Variants in EXOC4 observed in about 807,000 individuals in gnomAD.
The protein encoded by EXOC4 is exocyst complex component 4.
EXOC4 carries 71 observed loss-of-function variants against 107.2 expected under a neutral mutation model. The ratio of observed to expected loss-of-function variants is 0.66; its 90% CI spans 0.55 to 0.81. EXOC4 has a LOEUF of 0.81. Ranked by LOEUF, EXOC4 falls within the 30% of genes least tolerant of loss-of-function variation. The pLI is 0.00. For synonymous variants in EXOC4, 456 were observed against 441.2 expected (o/e 1.03, Z -0.42); for missense variants, 1,108 against 1,189.6 (o/e 0.93, Z 1.01).
intron 12 of EXOC4, among the ~76,000 whole-genome samples, chr7:133,916,775 T>C (rs561962379): frequency 1.7e-4 from 26 of 152,340 alleles, no homozygotes; most frequent in African/African-American, 6.0e-4. Context: ...TGGCACTCCT[T>C]TCATAAATAA....
chr7:133,705,360 C>A (rs1373046560), intron 10 of EXOC4, among the ~76,000 whole-genome samples: 1 of 152,016 alleles, frequency 6.6e-6, no homozygotes, highest in African/African-American at 2.4e-5. Flanking sequence ...GAGGAAGACT[C>A]CATCTCAAAA....
At chr7:133,281,787 C>T (rs535644106) in intron 2 of EXOC4, among the ~76,000 whole-genome samples, 11 of 150,212 alleles carry the variant, frequency 7.3e-5, no homozygotes, top group African/African-American at 2.0e-4. Flanking sequence ...CTGCAACCTT[C>T]GCCTCCCGGG....
chr7:133,325,906 C>T (rs915047485), intron 5 of EXOC4, among the ~76,000 whole-genome samples: 6 of 152,072 alleles, frequency 3.9e-5, no homozygotes, highest in Admixed American at 6.5e-5. Flanking sequence ...AGGCTTTGTT[C>T]GTTTCTTTTT....
At chr7:133,859,261 C>T (rs1798482420) in intron 11 of EXOC4, among the ~76,000 whole-genome samples, 1 of 152,174 alleles carries the variant, frequency 6.6e-6, no homozygotes, top group Non-Finnish European at 1.5e-5. Context: ...GCTTTTGTTT[C>T]ATGTGTGGCT....
chr7:133,812,091 T>G (rs2550997), intron 10 of EXOC4, among the ~76,000 whole-genome samples: 149,723 of 152,090 alleles, frequency 0.98, 73,764 homozygotes, highest in Middle Eastern at 1. Context: ...TAACCTAATG[T>G]TCAGAATTGT....
chr7:133,470,716 G>A (rs1207857991), intron 7 of EXOC4, among the ~76,000 whole-genome samples: 1 of 152,098 alleles, frequency 6.6e-6, no homozygotes, highest in South Asian at 2.1e-4. Flanking sequence ...CTTAAAAATA[G>A]TAAAGAGATT....
chr7:133,914,549 C>T (rs1276514239), intron 12 of EXOC4, among the ~76,000 whole-genome samples: 1 of 152,106 alleles, frequency 6.6e-6, no homozygotes, highest in African/African-American at 2.4e-5. Context: ...AAATCAGAAT[C>T]CCACACCTCA....
chr7:133,312,478 A>C (rs1922420), intron 4 of EXOC4, among the ~76,000 whole-genome samples: 22,840 of 152,100 alleles, frequency 0.15, 2,039 homozygotes, highest in Non-Finnish European at 0.2. Context: ...AAATTCTTTT[A>C]TTTCCTGTGT....
At chr7:133,690,411 C>T (rs894939921) in intron 10 of EXOC4, among the ~76,000 whole-genome samples, 2 of 152,116 alleles carry the variant, frequency 1.3e-5, no homozygotes, top group South Asian at 2.1e-4. Flanking sequence ...GCCTACAGGC[C>T]GCATGCCACC....
chr7:133,513,125 AAAGT>A (rs1159790240), intron 9 of EXOC4, among the ~76,000 whole-genome samples: 1 of 152,172 alleles, frequency 6.6e-6, no homozygotes, highest in Non-Finnish European at 1.5e-5. Context: ...ATAAATAAAT[AAAGT>A]ATGTGAAACT....
intron 2 of EXOC4, among the ~76,000 whole-genome samples, chr7:133,281,229 G>A (rs1471493232): frequency 6.6e-6 from 1 of 151,808 alleles, no homozygotes; most frequent in East Asian, 1.9e-4. Context: ...CTTTCCAGGT[G>A]CTTTCTAACT....
chr7:133,307,554 A>G (rs1794781291), intron 4 of EXOC4, among the ~76,000 whole-genome samples: 1 of 152,244 alleles, frequency 6.6e-6, no homozygotes, highest in Admixed American at 6.5e-5. Context: ...ATTTCTGTAA[A>G]GCAAGCAAGA....
At chr7:133,516,266 C>G (rs866284569) in intron 9 of EXOC4, among the ~76,000 whole-genome samples, 1 of 152,102 alleles carries the variant, frequency 6.6e-6, no homozygotes, top group Non-Finnish European at 1.5e-5. Flanking sequence ...TTAGGGTGTT[C>G]ACAAAGTATA....
chr7:133,302,970 G>A (rs533738275), intron 3 of EXOC4, among the ~76,000 whole-genome samples: 2 of 152,068 alleles, frequency 1.3e-5, no homozygotes, highest in South Asian at 4.2e-4. Context: ...AAATACAGAC[G>A]ATTATTTTAT....
chr7:133,965,809 C>T (rs1801052040), intron 14 of EXOC4, among the ~76,000 whole-genome samples: 2 of 152,238 alleles, frequency 1.3e-5, no homozygotes, highest in Admixed American at 6.5e-5. Flanking sequence ...GCTATACGGG[C>T]TCTTTTTTGG....
At chr7:133,901,756 T>G (rs1799456727) in intron 12 of EXOC4, among the ~76,000 whole-genome samples, 1 of 152,206 alleles carries the variant, frequency 6.6e-6, no homozygotes, top group African/African-American at 2.4e-5. Flanking sequence ...ATCTGCCCTA[T>G]AAAAGATTGA....
At chr7:133,605,708 C>T (rs1334796913) in intron 9 of EXOC4, among the ~76,000 whole-genome samples, 1 of 152,072 alleles carries the variant, frequency 6.6e-6, no homozygotes, top group African/African-American at 2.4e-5. Context: ...TGTTGAGAAG[C>T]TAGTTGAAAA....
chr7:133,990,872 T>C, intron 14 of EXOC4, among the ~76,000 whole-genome samples: 1 of 152,184 alleles, frequency 6.6e-6, no homozygotes, highest in Non-Finnish European at 1.5e-5. Context: ...CTATGGTGAA[T>C]AGTGCTGCAA....
intron 17 of EXOC4, among the ~76,000 whole-genome samples, chr7:134,057,077 A>G (rs1374220709): frequency 4.6e-5 from 7 of 152,208 alleles, no homozygotes; most frequent in Non-Finnish European, 8.8e-5. Context: ...GATGGTTATC[A>G]GGACAAGGCC....
Sources: allele counts gnomAD v4.1 joint callset (sites outside exome capture counted in the v4.1 genomes callset), GRCh38; gene constraint gnomAD v4.1.1; transcripts MANE v1.5; gene names NCBI Gene and HGNC (gene_info 2026-07-23, HGNC 2026-07-21).